The following ANKRD16 variants were observed in gnomAD, a reference collection of about 807,000 sequenced individuals.
ANKRD16 encodes ankyrin repeat domain 16.
In ANKRD16, 35 loss-of-function variants were observed where a neutral mutation model predicts 37.9. That is an observed-to-expected ratio of 0.92 (90% CI 0.71 to 1.23). The LOEUF is 1.23. ANKRD16 is among the 50% of genes most tolerant of loss of function. ANKRD16 has a pLI of 0.00. For synonymous variants in ANKRD16, 206 were observed against 197.2 expected (o/e 1.04, Z -0.37); for missense variants, 480 against 469.9 (o/e 1.02, Z -0.20).
Position 5,863,659 on chromosome 10 carries a change from T to A in ANKRD16, c.*34-968A>T, listed in dbSNP as rs568277338. Among the ~76,000 whole-genome samples, 1 of 152,062 alleles carries A rather than the reference T, an allele frequency of 6.6e-6. No homozygotes were observed. Among genetic ancestry groups the A allele is most frequent in the Non-Finnish European group, 1.5e-5 (1 of 68,012 alleles). On this transcript the variant is annotated intron_variant, in intron 7 of 7. Coordinates refer to ENST00000380094, the MANE Select transcript of ANKRD16 (RefSeq NM_019046.3). The surrounding 1 kb of genome is among the most constrained non-coding windows in gnomAD (Gnocchi z 4.7). ...GGAAGCTTTGTTCTTTTGTTCTTCA[T>A]AATAAATCTTGCTGCTGCTCATTCT... is the stretch of plus-strand genomic sequence containing the variant.
intron 7 of ANKRD16, among the ~76,000 whole-genome samples, chr10:5,872,778 A>G (rs577289502): frequency 0.013 from 1,926 of 146,644 alleles, 12 homozygotes; most frequent in Non-Finnish European, 0.015. Flanking sequence ...AGATGGTCTT[A>G]ATTTCCTGAC....
In ANKRD16 at chr10:5,888,136, C is replaced by CA. The variant is rs1842477651; in HGVS notation, c.315-70dup. The CA allele has an allele frequency of 4.4e-6, 6 of 1,366,224 alleles. No individual in the cohort carries two copies. In the East Asian group the frequency reaches 1.4e-4, roughly 31 times the overall value. The allele number at this position is 1,366,224 out of a possible 1,614,324, so 84.6% of individuals were successfully genotyped here. On this transcript the variant is annotated intron_variant, in intron 1 of 7. Coordinates refer to ENST00000380094, the MANE Select transcript of ANKRD16 (RefSeq NM_019046.3). ...CATTAGAAGCCAGGGGCCAGGTCTT[C>CA]AAAACACACACATCCTTGGCACAGA... is the stretch of plus-strand genomic sequence containing the variant.
Position 5,862,512 on chromosome 10 carries a change from G to T in ANKRD16, c.*213C>A. The T allele has an allele frequency of 1.1e-6, 1 of 946,612 alleles. No homozygotes were observed. Among genetic ancestry groups the T allele is most frequent in the South Asian group, 1.4e-5 (1 of 72,582 alleles). 58.6% of individuals were successfully genotyped at this position (946,612 alleles called of 1,614,324 possible). ...CAGACCCAGGGAGCTGACCTTGGGG[G>T]CCAGTGCAGATGTGGCACTGACTTC... On this transcript the variant is annotated 3_prime_UTR_variant, in exon 8 of 8. Transcript: ENST00000380094. This position sits in a 1 kb window ranked among gnomAD's most constrained non-coding sequence, Gnocchi z 6.5.
intron 2 of ANKRD16, among the ~76,000 whole-genome samples, chr10:5,886,335 A>G (rs756427046): frequency 4.6e-5 from 7 of 152,368 alleles, no homozygotes; most frequent in Middle Eastern, 3.4e-3. Flanking sequence ...TCATGCCTGT[A>G]ATCCCAGCAC....
chr10:5,889,242 T>C lies in ANKRD16; in HGVS notation c.113A>G (p.Asp38Gly). 1 of 1,536,294 alleles carries C rather than the reference T, an allele frequency of 6.5e-7. No individual in the cohort carries two copies. The highest frequency in any genetic ancestry group is 8.7e-7 in the Non-Finnish European group (1 of 1,150,308). ...GCGCGCGGCGCAGTGCAGGAGGGTA[T>C]CCCCGGCCGGCCCCGGGCAGCCCCC... is the stretch of plus-strand genomic sequence containing the variant. ...AAGGCPGPAGDTLLHCAARHG... is the reference protein window; with the variant it reads ...AAGGCPGPAGGTLLHCAARHG... Residue 38 changes from aspartate (D) to glycine (G), a missense_variant, in exon 1 of 8, where the codon GAT becomes GGT. Asp to Gly is a moderately conservative substitution (Grantham distance 94). Coordinates refer to ENST00000380094, the MANE Select transcript of ANKRD16 (RefSeq NM_019046.3).
chr10:5,877,389 AGGCACGG>A (rs1842201139), intron 7 of ANKRD16, among the ~76,000 whole-genome samples: 1 of 152,268 alleles, frequency 6.6e-6, no homozygotes, highest in Admixed American at 6.5e-5. Context: ...CTGGGATTAC[AGGCACGG>A]GCCACCATGC....
chr10:5,881,091 G>A (rs1032676669), intron 5 of ANKRD16: 19 of 883,222 alleles, frequency 2.2e-5, no homozygotes, highest in Admixed American at 6.2e-5. Context: ...GAGCCACTGC[G>A]CCCAGCCAAA....
chr10:5,884,035 G>T lies in ANKRD16; in HGVS notation c.621C>A (p.Thr207=). 6.2e-7 allele frequency: 1 copy of T among 1,614,146 alleles called. No individual in the cohort carries two copies. Among genetic ancestry groups the T allele is most frequent in the South Asian group, 1.1e-5 (1 of 91,074 alleles). The change falls in exon 4 of 8, where the codon ACC becomes ACA. Residue 207 remains threonine (T), a synonymous_variant. Transcript: ENST00000380094. ...EPDYRDNCGV[T]ALMDAIQCGH... ...CACACTGGATTGCGTCCATCAAGGC[G>T]GTGACGCCACAGTTGTCTCTGTAGT...
chr10:5,880,414 T>A (rs765437974), intron 5 of ANKRD16, 38 bp from the exon 6 acceptor site: 67 of 1,413,838 alleles, frequency 4.7e-5, no homozygotes, highest in Non-Finnish European at 6.2e-5. Context: ...GTGATGAGGA[T>A]AAAAGAAAAC....
At chr10:5,885,282 G>A (rs980835894) in intron 3 of ANKRD16, among the ~76,000 whole-genome samples, 118 of 152,124 alleles carry the variant, frequency 7.8e-4, no homozygotes, top group Middle Eastern at 3.4e-3. Context: ...TTGGGTTCAC[G>A]CCATTCTCCT....
intron 3 of ANKRD16, among the ~76,000 whole-genome samples, chr10:5,884,446 C>G (rs909840089): frequency 6.6e-6 from 1 of 152,142 alleles, no homozygotes; most frequent in Non-Finnish European, 1.5e-5. Context: ...ACATCTGTGT[C>G]TGAGCTGGGC....
intron 4 of ANKRD16, 41 bp downstream of exon 4, chr10:5,883,928 T>C (rs748360997): frequency 1.3e-6 from 2 of 1,577,494 alleles, no homozygotes; most frequent in Non-Finnish European, 8.7e-7. Flanking sequence ...CTAAAATTTA[T>C]AGGAAGAACC....
intron 7 of ANKRD16, among the ~76,000 whole-genome samples, chr10:5,875,508 A>C (rs1400667501): frequency 6.6e-6 from 1 of 152,174 alleles, no homozygotes; most frequent in Non-Finnish European, 1.5e-5. Context: ...AAAAGGACAC[A>C]ATTTTAGATA....
rs1842561227 is a variant in ANKRD16, at chr10:5,889,580, G to T, written c.-226C>A. The T allele has an allele frequency of 4.1e-6, 1 of 244,746 alleles. No homozygotes were observed. The highest frequency in any genetic ancestry group is 7.6e-6 in the Non-Finnish European group (1 of 131,568). 15.2% of individuals were successfully genotyped at this position (244,746 alleles called of 1,614,324 possible). On this transcript the variant is annotated 5_prime_UTR_variant, in exon 1 of 8. Transcript: ENST00000380094. ...AGGCGGGCTGCCCCCTCACAGCCCC[G>T]GCCTGCCCCGCGTGGGAGAAGCCGC...
intron 3 of ANKRD16, 89 bp from the exon 4 acceptor site, chr10:5,884,166 GC>G: frequency 2.1e-6 from 2 of 963,718 alleles, no homozygotes; most frequent in Non-Finnish European, 3.2e-6. Flanking sequence ...CAGGTGAACT[GC>G]GTGTGTGCAA....
intron 3 of ANKRD16, 135 bp from the exon 4 acceptor site, chr10:5,884,212 C>A (rs1470364450): frequency 1.5e-6 from 1 of 658,088 alleles, no homozygotes. Flanking sequence ...TCTATTCTCC[C>A]CCATCTCAGT....
chr10:5,888,856 G>A (rs75424704), intron 1 of ANKRD16, among the ~76,000 whole-genome samples, 185 bp downstream of exon 1: 7,581 of 152,280 alleles, frequency 0.05, 619 homozygotes, highest in African/African-American at 0.17. Context: ...AGGAACGAGG[G>A]ACTCTGCAGG....
At position 5,870,990 on chromosome 10, in the gene ANKRD16, A is replaced by C. The variant is rs950933223; in HGVS notation, c.*33+7107T>G. ...TGGTAGGAGGAGGCAGGTTCTGCAA[A>C]TGCTGCAGGGTGGGTTAATCACACA... On this transcript the variant is annotated intron_variant, in intron 7 of 7. Transcript: ENST00000380094. This position sits in a 1 kb window ranked among gnomAD's most constrained non-coding sequence, Gnocchi z 5.0. 1.3e-5 allele frequency among the ~76,000 whole-genome samples: 2 copies of C among 152,174 alleles called. No individual in the cohort carries two copies. The highest frequency in any genetic ancestry group is 2.9e-5 in the Non-Finnish European group (2 of 68,030).
At position 5,862,823 on chromosome 10, in the gene ANKRD16, C is replaced by G. The variant is rs1841961578; in HGVS notation, c.*34-132G>C. The G allele has an allele frequency of 2.0e-6, 1 of 499,828 alleles. No individual in the cohort carries two copies. Among genetic ancestry groups the G allele is most frequent in the African/African-American group, 2.0e-5 (1 of 50,236 alleles). 31.0% of individuals were successfully genotyped at this position (499,828 alleles called of 1,614,324 possible). ...ACAGGGCCTGGCTCTACATGCTGCA[C>G]AGTCAGAGAGGGAGAGTCCCATGCG... On this transcript the variant is annotated intron_variant, in intron 7 of 7. Coordinates refer to ENST00000380094, the MANE Select transcript of ANKRD16 (RefSeq NM_019046.3). The surrounding 1 kb of genome is among the most constrained non-coding windows in gnomAD (Gnocchi z 6.5).
Sources: allele counts gnomAD v4.1 joint callset (sites outside exome capture counted in the v4.1 genomes callset), GRCh38; gene constraint gnomAD v4.1.1; non-coding constraint Gnocchi (gnomAD v3.1); transcripts MANE v1.5; gene names NCBI Gene and HGNC (gene_info 2026-07-23, HGNC 2026-07-21).